Variants in HSPA9 observed in about 807,000 individuals in gnomAD.
HSPA9 encodes the protein stress-70 protein, mitochondrial.
A neutral mutation model predicts 81.5 loss-of-function variants in HSPA9; 28 were observed. The ratio of observed to expected loss-of-function variants is 0.34; its 90% CI spans 0.25 to 0.47. HSPA9 has a LOEUF of 0.47. HSPA9 is among the 20% of genes least tolerant of loss of function. The probability of loss-of-function intolerance (pLI) is 1.00; values close to 1 mark genes in which losing one functional copy is unlikely to be tolerated. For missense variants in HSPA9, 678 were observed against 838.0 expected (o/e 0.81, Z 2.36); for synonymous variants, 293 against 290.4 (o/e 1.01, Z -0.09).
intron 5 of HSPA9, 98 bp from the exon 6 acceptor site, chr5:138,567,820 T>C: frequency 2.3e-6 from 2 of 871,392 alleles, no homozygotes; most frequent in South Asian, 2.8e-5. Flanking sequence ...ACAGACAACA[T>C]TCTTCAGTCT....
At chr5:138,573,917 A>G in intron 2 of HSPA9, 67 bp from the exon 3 acceptor site, 1 of 1,355,164 alleles carries the variant, frequency 7.4e-7, no homozygotes, top group Non-Finnish European at 1.1e-6. Context: ...CTGGAAGATA[A>G]TATTTAATTG....
chr5:138,556,705 A>G (rs1396304181), intron 15 of HSPA9, 69 bp downstream of exon 15: 1 of 1,562,288 alleles, frequency 6.4e-7, no homozygotes, highest in African/African-American at 1.4e-5. Flanking sequence ...AAACCCACAG[A>G]AAAATAAACT....
rs1750614940 is a variant in HSPA9, at chr5:138,559,845, AG to A, written c.1410+18del. 1 of 1,505,638 alleles carries A rather than the reference AG, an allele frequency of 6.6e-7. No homozygotes were observed. Among genetic ancestry groups the A allele is most frequent in the African/African-American group, 1.4e-5 (1 of 72,784 alleles). The allele number at this position is 1,505,638 out of a possible 1,614,324, so 93.3% of individuals were successfully genotyped here. ...GAACCTAAAACCCATGTGACAAGGT[AG>A]GAAGTGATGGCTCTTACCTGGCTCT... On this transcript the variant is annotated intron_variant, in intron 11 of 16. Transcript: ENST00000297185.
Position 138,571,960 on chromosome 5 carries a change from C to CTTT in HSPA9, c.229-822_229-820dup, listed in dbSNP as rs10694029. On this transcript the variant is annotated intron_variant, in intron 3 of 16. Coordinates refer to ENST00000297185, the MANE Select transcript of HSPA9 (RefSeq NM_004134.7). ...TACAGGCTTGAGGCACTGCGCCTGG[C>CTTT]TTTTTTTTTTTTTTTTGAGACAGAG... is the stretch of plus-strand genomic sequence containing the variant. Among the ~76,000 whole-genome samples, 12 of 100,440 alleles carry CTTT rather than the reference C, an allele frequency of 1.2e-4. 3 individuals carry two copies. The highest frequency in any genetic ancestry group is 1.2e-3 in the East Asian group (4 of 3,458). 65.9% of individuals were successfully genotyped at this position (100,440 alleles called of 152,430 possible).
In HSPA9 at chr5:138,571,159, G is replaced by C. The variant is rs1750875207; in HGVS notation, c.229-18C>G. On this transcript the variant is annotated intron_variant, in intron 3 of 16. Transcript: ENST00000297185. ...TCCAGCACCTAAACTCCCAAAATGTGATAGAGAGTAAGTTTGTAGTTATCA... is the reference window on the plus strand; with the variant it reads ...TCCAGCACCTAAACTCCCAAAATGTCATAGAGAGTAAGTTTGTAGTTATCA... 6.2e-7 allele frequency: 1 copy of C among 1,612,028 alleles called. No homozygotes were observed. Among genetic ancestry groups the C allele is most frequent in the Non-Finnish European group, 8.5e-7 (1 of 1,179,266 alleles).
intron 13 of HSPA9, among the ~76,000 whole-genome samples, 168 bp downstream of exon 13, chr5:138,557,701 A>C (rs1289538466): frequency 6.6e-6 from 1 of 152,204 alleles, no homozygotes; most frequent in Non-Finnish European, 1.5e-5. Context: ...TTGCCCATCA[A>C]AACTTCAGCA....
At chr5:138,560,758 C>G (rs1440156068) in intron 10 of HSPA9, 1 of 339,104 alleles carries the variant, frequency 2.9e-6, no homozygotes, top group Admixed American at 4.1e-5. Context: ...CCGTGTTAGC[C>G]AGGATGGTCT....
rs1021914557 is a variant in HSPA9, at chr5:138,569,030, T to C, written c.430A>G (p.Ile144Val). ...GCATCACCATTGGAGGCACGGACAA[T>C]TTTAAAGGGAACATTTTTACTGTAA... The part of the protein sequence containing the change: ...QKDIKNVPFK[I>V]VRASNGDAWV... Residue 144 changes from isoleucine to valine, a missense_variant, in exon 5 of 17, where the codon ATT (isoleucine) becomes GTT (valine). Ile to Val is a conservative substitution (Grantham distance 29). This residue lies in a region of HSPA9 where 484 missense variants were observed against 647.5 expected (regional missense o/e 0.75). Transcript: ENST00000297185. 6 of 1,613,750 alleles carry C rather than the reference T, an allele frequency of 3.7e-6. No individual in the cohort carries two copies. The African/African-American group carries it at 5.3e-5, about 14-fold the overall frequency.
intron 13 of HSPA9, 76 bp from the exon 14 acceptor site, chr5:138,557,572 T>C (rs1376609611): frequency 1.1e-6 from 1 of 892,228 alleles, no homozygotes; most frequent in East Asian, 2.5e-5. Flanking sequence ...GCATTAAGAG[T>C]ACTCCTGCTC....
intron 5 of HSPA9, among the ~76,000 whole-genome samples, chr5:138,568,571 A>C (rs1456305499): frequency 6.6e-6 from 1 of 152,218 alleles, no homozygotes; most frequent in Non-Finnish European, 1.5e-5. Flanking sequence ...TCAACATTTT[A>C]GTGAAGGTTC....
intron 3 of HSPA9, among the ~76,000 whole-genome samples, chr5:138,571,676 C>T (rs1409906725): frequency 2.0e-4 from 29 of 148,716 alleles, no homozygotes; most frequent in Admixed American, 6.0e-4. Context: ...GAGGGAGTCT[C>T]GCTCTTGTCA....
At chr5:138,567,615 A>C (rs930115782) in intron 6 of HSPA9, 34 bp downstream of exon 6, 1 of 1,610,078 alleles carries the variant, frequency 6.2e-7, no homozygotes, top group African/African-American at 1.3e-5. Context: ...CAGGCACCTT[A>C]CTTTTTGTGA....
At position 138,574,146 on chromosome 5, in the gene HSPA9, C is replaced by T. The variant is rs1375270750; in HGVS notation, c.82-20G>A. On this transcript the variant is annotated intron_variant, in intron 1 of 16. Transcript: ENST00000297185. ...GCTATCCTAAAAAAGAAAAAACTGA[C>T]TCAGTCACCAACCAGTGTGTATCCT... 6.3e-7 allele frequency: 1 copy of T among 1,595,720 alleles called. No homozygotes were observed. Among genetic ancestry groups the T allele is most frequent in the Non-Finnish European group, 8.6e-7 (1 of 1,163,458 alleles).
chr5:138,566,959 C>A, intron 8 of HSPA9, 42 bp downstream of exon 8: 2 of 1,594,172 alleles, frequency 1.3e-6, no homozygotes, highest in South Asian at 2.2e-5. Flanking sequence ...AAGAATTTCT[C>A]AATATCCCAA....
rs1292181801 is a variant in HSPA9, at chr5:138,575,375, G to C, written c.-57C>G. ...ACAAGCGCTCCGACGGCAAAGAGCT[G>C]CGCGATGCGGTGGCGGCAGCGCTTC... On this transcript the variant is annotated 5_prime_UTR_variant, in exon 1 of 17. Coordinates refer to ENST00000297185, the MANE Select transcript of HSPA9 (RefSeq NM_004134.7). The C allele has an allele frequency of 1.4e-6, 2 of 1,426,370 alleles. No individual in the cohort carries two copies. Among genetic ancestry groups the C allele is most frequent in the Admixed American group, 1.8e-5 (1 of 56,686 alleles). 88.4% of individuals were successfully genotyped at this position (1,426,370 alleles called of 1,614,324 possible). A position where few individuals can be genotyped will look rare whatever the true frequency, so the allele number is the denominator to read the frequency against.
chr5:138,560,112 A>G (rs1471797869), intron 10 of HSPA9, 21 bp from the exon 11 acceptor site: 12 of 1,592,204 alleles, frequency 7.5e-6, no homozygotes, highest in Non-Finnish European at 1.0e-5. Context: ...AGGAAAAAGA[A>G]CCTGTCGGCC....
At chr5:138,569,317 G>C (rs1329050811) in intron 4 of HSPA9, among the ~76,000 whole-genome samples, 1 of 152,146 alleles carries the variant, frequency 6.6e-6, no homozygotes, top group Non-Finnish European at 1.5e-5. Flanking sequence ...AGCGCCCCAG[G>C]CAGAAGATTT....
At chr5:138,571,570 G>T (rs935087235) in intron 3 of HSPA9, among the ~76,000 whole-genome samples, 1 of 152,084 alleles carries the variant, frequency 6.6e-6, no homozygotes, top group African/African-American at 2.4e-5. Flanking sequence ...ATACTACCGG[G>T]CATGCTTTAC....
chr5:138,559,690 AAAAC>A, intron 11 of HSPA9, 170 bp downstream of exon 11: 1 of 625,336 alleles, frequency 1.6e-6, no homozygotes, highest in Non-Finnish European at 2.9e-6. Context: ...TGGTAACAAA[AAAAC>A]AAAAAACAAA....
Sources: gnomAD v4.1 joint callset for allele counts (sites outside exome capture counted in the v4.1 genomes callset) on GRCh38, gnomAD v4.1.1 for gene constraint, gnomAD v4.1.1 regional missense constraint, MANE v1.5 for transcripts, NCBI Gene and HGNC (gene_info 2026-07-23, HGNC 2026-07-21) for gene names.